PHIP: variants seen among roughly 807,000 people sequenced by gnomAD.
PHIP encodes the protein PH-interacting protein.
PHIP carries 54 observed loss-of-function variants against 236.8 expected under a neutral mutation model. That is an observed-to-expected ratio of 0.23 (90% CI 0.18 to 0.29). PHIP has a LOEUF of 0.29. Among genes scored for constraint, PHIP ranks in the 10% least tolerant of loss-of-function variants. The pLI is 1.00. For synonymous variants in PHIP, 756 were observed against 718.9 expected, an observed-to-expected ratio of 1.05 and a Z score of -0.83; for missense variants, 1,370 against 2,190.8, an observed-to-expected ratio of 0.63 and a Z score of 7.48.
In PHIP at chr6:78,936,506, A is replaced by G. The variant is rs1380307124; in HGVS notation, c.*4187T>C. 1 of 151,920 alleles carries G rather than the reference A, an allele frequency of 6.6e-6. No individual in the cohort carries two copies. Among genetic ancestry groups the G allele is most frequent in the Non-Finnish European group, 1.5e-5 (1 of 67,810 alleles). The allele number at this position is 151,920 out of a possible 1,614,324, so 9.4% of individuals were successfully genotyped here. ...TGCATCTGCCTTATATGCATGTACT[A>G]TATTCCATCTTGAACCTATTTTCTT... On this transcript the variant is annotated 3_prime_UTR_variant, in exon 40 of 40. Transcript: ENST00000275034.
At chr6:79,074,300 A>G (rs1162697392) in intron 4 of PHIP, among the ~76,000 whole-genome samples, 3 of 152,120 alleles carry the variant, frequency 2.0e-5, no homozygotes, top group Non-Finnish European at 4.4e-5. Context: ...AAATGTAATC[A>G]AGAGAGTGCC....
chr6:78,986,518 C>T (rs979718706), intron 21 of PHIP, among the ~76,000 whole-genome samples: 7 of 152,154 alleles, frequency 4.6e-5, no homozygotes, highest in African/African-American at 1.7e-4. Context: ...CAAACTAAAG[C>T]TTTAAAAATT....
chr6:78,987,488 A>G (rs1768942458), intron 21 of PHIP, among the ~76,000 whole-genome samples: 1 of 152,180 alleles, frequency 6.6e-6, no homozygotes, highest in Non-Finnish European at 1.5e-5. Context: ...TAAAGAGAAT[A>G]TATTTAGAGA....
chr6:79,014,956 G>A (rs2127740409), intron 15 of PHIP, 126 bp downstream of exon 15: 1 of 653,914 alleles, frequency 1.5e-6, no homozygotes, highest in South Asian at 2.3e-5. Flanking sequence ...ATTCTTTATT[G>A]ATGGGAATTT....
intron 17 of PHIP, 124 bp from the exon 18 acceptor site, chr6:78,998,515 T>G: frequency 4.8e-6 from 3 of 619,524 alleles, no homozygotes; most frequent in Non-Finnish European, 8.1e-6. Context: ...ACTTAAATGA[T>G]CAACTATAAA....
chr6:79,049,163 A>G (rs2127764432), intron 6 of PHIP, among the ~76,000 whole-genome samples: 1 of 152,010 alleles, frequency 6.6e-6, no homozygotes, highest in East Asian at 1.9e-4. Flanking sequence ...CCTGGGTTCA[A>G]GCGATTCTCA....
intron 19 of PHIP, among the ~76,000 whole-genome samples, chr6:78,993,087 A>G (rs921848329): frequency 6.6e-6 from 1 of 152,240 alleles, no homozygotes; most frequent in Non-Finnish European, 1.5e-5. Context: ...TGCGGTCTGG[A>G]TAGAAGATTA....
At chr6:78,975,501 A>C (rs189444117) in intron 24 of PHIP, among the ~76,000 whole-genome samples, 22 of 152,338 alleles carry the variant, frequency 1.4e-4, no homozygotes, top group African/African-American at 4.8e-4. Flanking sequence ...CCTATTCAAC[A>C]TAGTGATGGA....
chr6:78,940,602 C>T lies in PHIP; in HGVS notation c.*91G>A. The T allele has an allele frequency of 7.0e-6, 2 of 285,624 alleles. No homozygotes were observed. The highest frequency in any genetic ancestry group is 8.4e-5 in the East Asian group (1 of 11,850). 17.7% of individuals were successfully genotyped at this position (285,624 alleles called of 1,614,324 possible). A position where few individuals can be genotyped will look rare whatever the true frequency, so the allele number is the denominator to read the frequency against. ...TCAAATCATAACATTCCCTACTCCA[C>T]CACAGCAGCAAGGAAGCAGAAGCCT... On this transcript the variant is annotated 3_prime_UTR_variant, in exon 40 of 40. Transcript: ENST00000275034.
rs1773222519 is a variant in PHIP at position 78,935,136 on chromosome 6, G to A, written c.*5557C>T. Among the ~76,000 whole-genome samples, 1 of 152,048 alleles carries A rather than the reference G, an allele frequency of 6.6e-6. No homozygotes were observed. The highest frequency in any genetic ancestry group is 2.4e-5 in the African/African-American group (1 of 41,386). On this transcript the variant is annotated 3_prime_UTR_variant, in exon 40 of 40. Transcript: ENST00000275034. ...TGGTTGCTGAAAGGTAATTTTTCTT[G>A]GCTGGTTCTTCTAAGTATATACTAG...
At chr6:78,949,134 G>T (rs1773995003) in intron 35 of PHIP, among the ~76,000 whole-genome samples, 1 of 152,092 alleles carries the variant, frequency 6.6e-6, no homozygotes. Context: ...ACTTTTTATA[G>T]ATGTACTTTA....
At chr6:78,971,732 G>A (rs989151634) in intron 24 of PHIP, among the ~76,000 whole-genome samples, 4 of 152,196 alleles carry the variant, frequency 2.6e-5, no homozygotes, top group Non-Finnish European at 4.4e-5. Context: ...CAGGGAGTCA[G>A]GGAGTTCCCT....
chr6:79,073,974 T>C (rs956134012), intron 4 of PHIP, among the ~76,000 whole-genome samples: 1 of 152,120 alleles, frequency 6.6e-6, no homozygotes, highest in Non-Finnish European at 1.5e-5. Context: ...AAATCACAGA[T>C]TTTCAGATTG....
intron 4 of PHIP, among the ~76,000 whole-genome samples, chr6:79,074,537 A>C (rs536771535): frequency 6.6e-6 from 1 of 152,144 alleles, no homozygotes; most frequent in Non-Finnish European, 1.5e-5. Flanking sequence ...AATAAATCTC[A>C]TATTTTAAAA....
intron 15 of PHIP, among the ~76,000 whole-genome samples, chr6:79,007,089 T>C (rs1465891611): frequency 1.3e-5 from 2 of 152,090 alleles, no homozygotes; most frequent in African/African-American, 4.8e-5. Flanking sequence ...TACCAATAAA[T>C]GAGTAGTATA....
intron 27 of PHIP, 51 bp downstream of exon 27, chr6:78,969,784 A>G (rs1767401582): frequency 1.2e-6 from 1 of 844,550 alleles, no homozygotes; most frequent in African/African-American, 1.7e-5. Flanking sequence ...ATCACTTACT[A>G]AGAAAAAAAA....
At chr6:78,946,944 A>C in intron 36 of PHIP, 70 bp from the exon 37 acceptor site, 2 of 840,754 alleles carry the variant, frequency 2.4e-6, no homozygotes, top group Non-Finnish European at 3.7e-6. Flanking sequence ...AAATACTGTA[A>C]TGTAAATATT....
intron 7 of PHIP, among the ~76,000 whole-genome samples, chr6:79,037,797 T>C (rs917775413): frequency 6.6e-6 from 1 of 152,206 alleles, no homozygotes; most frequent in Non-Finnish European, 1.5e-5. Context: ...TTTTTATATC[T>C]CAAATTGCTT....
intron 21 of PHIP, among the ~76,000 whole-genome samples, chr6:78,987,905 G>A (rs968913697): frequency 2.6e-5 from 4 of 152,062 alleles, no homozygotes; most frequent in Non-Finnish European, 4.4e-5. Context: ...AAACAAACTT[G>A]CATTTAATCC....
Sources: gnomAD v4.1 joint callset for allele counts (sites outside exome capture counted in the v4.1 genomes callset) on GRCh38, gnomAD v4.1.1 for gene constraint, MANE v1.5 for transcripts, NCBI Gene and HGNC (gene_info 2026-07-23, HGNC 2026-07-21) for gene names.